The following NF2 variants were observed in gnomAD, a reference collection of about 807,000 sequenced individuals.
NF2 encodes the protein merlin.
Under a neutral mutation model 83.7 loss-of-function variants are expected in NF2, and 8 were observed. The ratio of observed to expected loss-of-function variants is 0.10; its 90% CI spans 0.06 to 0.17. The LOEUF is 0.17. Ranked by LOEUF, NF2 falls within the 10% of genes least tolerant of loss-of-function variation. The probability of loss-of-function intolerance (pLI) is 1.00; values close to 1 mark genes in which losing one functional copy is unlikely to be tolerated. For missense variants in NF2, 533 were observed against 744.4 expected, an observed-to-expected ratio of 0.72 and a Z score of 3.31; for synonymous variants, 266 against 269.6, an observed-to-expected ratio of 0.99 and a Z score of 0.13.
chr22:29,638,097 G>A (rs908585803), intron 2 of NF2, among the ~76,000 whole-genome samples: 6 of 152,196 alleles, frequency 3.9e-5, no homozygotes, highest in African/African-American at 9.7e-5. Context: ...ATGGAGCCTT[G>A]TAGCCTGTCA....
rs1307106708 is a variant in NF2, at chr22:29,665,655, AC to A, written c.885+595del. 4.6e-5 allele frequency among the ~76,000 whole-genome samples: 7 copies of A among 151,466 alleles called. No individual in the cohort carries two copies. In the East Asian group the frequency reaches 9.7e-4, roughly 21 times the overall value. On this transcript the variant is annotated intron_variant, in intron 9 of 15. Coordinates refer to ENST00000338641, the MANE Select transcript of NF2 (RefSeq NM_000268.4). ...AAAAGTGAATAGCTGTGTACCCACA[AC>A]CCCACTTTAAGAAATAGCACAGTCC...
At chr22:29,620,246 C>T (rs1052371694) in intron 1 of NF2, among the ~76,000 whole-genome samples, 24 of 150,880 alleles carry the variant, frequency 1.6e-4, no homozygotes, top group African/African-American at 4.9e-4. Flanking sequence ...GCGACAAGAG[C>T]GAGACTCTGT....
chr22:29,667,309 C>T (rs755496718), intron 9 of NF2, among the ~76,000 whole-genome samples: 69 of 152,160 alleles, frequency 4.5e-4, no homozygotes, highest in Non-Finnish European at 6.5e-4. Context: ...ACGATCATGT[C>T]TCACTGCAGC....
Position 29,697,556 on chromosome 22 carries a change from T to C in NF2, c.*2754T>C, listed in dbSNP as rs1027586363. On this transcript the variant is annotated 3_prime_UTR_variant, in exon 16 of 16. Transcript: ENST00000338641. ...CACAGACTGGTTCCTGTGGCTGGGA[T>C]GACTGCATCCTTTTTTTTTTTTTTT... 3 of 178,688 alleles carry C rather than the reference T, an allele frequency of 1.7e-5. No individual in the cohort carries two copies. The highest frequency in any genetic ancestry group is 7.1e-5 in the African/African-American group (3 of 41,998). 11.1% of individuals were successfully genotyped at this position (178,688 alleles called of 1,614,324 possible).
chr22:29,644,233 C>T (rs1421074939), intron 4 of NF2, among the ~76,000 whole-genome samples: 66 of 143,988 alleles, frequency 4.6e-4, no homozygotes, highest in African/African-American at 7.0e-4. Context: ...TGCTCCTCAC[C>T]TCCCAGACGG....
chr22:29,654,068 A>G (rs926330975), intron 4 of NF2, among the ~76,000 whole-genome samples: 1 of 152,154 alleles, frequency 6.6e-6, no homozygotes, highest in Non-Finnish European at 1.5e-5. Flanking sequence ...CCTATTTCCA[A>G]CCGCATTAGT....
At chr22:29,611,819 T>C (rs2531844) in intron 1 of NF2, among the ~76,000 whole-genome samples, 71,812 of 151,972 alleles carry the variant, frequency 0.47, 17,457 homozygotes, top group East Asian at 0.75. Context: ...ACACAAAACT[T>C]AGTTGTAAAT....
chr22:29,636,701 A>T lies in NF2; in HGVS notation c.115-50A>T, dbSNP rs2146850532. Reference sequence around the variant, plus strand: ...GTGGAGAGTGCAGAGAAAAGGTTTTATTAATGATTTTTGCTCACAGTGTCC... The same window carrying T: ...GTGGAGAGTGCAGAGAAAAGGTTTTTTTAATGATTTTTGCTCACAGTGTCC... On this transcript the variant is annotated intron_variant, in intron 1 of 15. Transcript: ENST00000338641. This position sits in a 1 kb window ranked among gnomAD's most constrained non-coding sequence, Gnocchi z 4.4. The T allele has an allele frequency of 6.2e-7, 1 of 1,613,734 alleles. No individual in the cohort carries two copies. Among genetic ancestry groups the T allele is most frequent in the Non-Finnish European group, 8.5e-7 (1 of 1,179,702 alleles).
intron 1 of NF2, among the ~76,000 whole-genome samples, chr22:29,627,349 C>T (rs2065393116): frequency 1.3e-5 from 2 of 152,148 alleles, no homozygotes; most frequent in African/African-American, 4.8e-5. Context: ...GCTATGATTG[C>T]TCTCATGTTG....
At position 29,660,615 on chromosome 22, in the gene NF2, G is replaced by A. The variant is rs530318894; in HGVS notation, c.676-590G>A. Among the ~76,000 whole-genome samples the A allele has an allele frequency of 7.2e-5, 11 of 152,288 alleles. No individual in the cohort carries two copies. The South Asian group carries it at 1.2e-3, about 17-fold the overall frequency. ...AACGAAGTCTCTCTTTGTCGACCAG[G>A]CTGGAGTGCCGGGGCACCATCTCAG... On this transcript the variant is annotated intron_variant, in intron 7 of 15. Transcript: ENST00000338641.
At chr22:29,689,613 C>T (rs1000821873) in intron 15 of NF2, among the ~76,000 whole-genome samples, 20 of 151,956 alleles carry the variant, frequency 1.3e-4, no homozygotes, top group African/African-American at 4.6e-4. Flanking sequence ...TGAGATGGTC[C>T]CCTCCTACCT....
chr22:29,682,688 A>C (rs1280409576), intron 15 of NF2, among the ~76,000 whole-genome samples: 3 of 152,230 alleles, frequency 2.0e-5, no homozygotes, highest in Non-Finnish European at 4.4e-5. Context: ...TCGGTCATTA[A>C]GGAAAGAGGT....
intron 2 of NF2, among the ~76,000 whole-genome samples, chr22:29,637,641 T>C (rs1188360730): frequency 3.9e-5 from 6 of 152,102 alleles, no homozygotes; most frequent in Non-Finnish European, 7.4e-5. Context: ...CCCCAAATGA[T>C]GCCCCCTCCA....
chr22:29,610,874 A>T (rs1441254061), intron 1 of NF2, among the ~76,000 whole-genome samples: 1 of 152,192 alleles, frequency 6.6e-6, no homozygotes, highest in Non-Finnish European at 1.5e-5. Flanking sequence ...AAGAAAAGAA[A>T]ACCATAGACA....
chr22:29,672,309 C>CTTT lies in NF2; in HGVS notation c.1122+379_1122+381dup, dbSNP rs779561094. 1.1e-3 allele frequency among the ~76,000 whole-genome samples: 141 copies of CTTT among 123,588 alleles called. 2 individuals carry two copies. The highest frequency in any genetic ancestry group is 1.3e-3 in the African/African-American group (44 of 32,988). 81.1% of individuals were successfully genotyped at this position (123,588 alleles called of 152,430 possible). A position where few individuals can be genotyped will look rare whatever the true frequency, so the allele number is the denominator to read the frequency against. On this transcript the variant is annotated intron_variant, in intron 11 of 15. Transcript: ENST00000338641. The stretch of plus-strand genomic sequence containing the variant: ...CATCTTCAGACATTGCCACATGTCT[C>CTTT]TTTTTTTTTTTTTTTTTTTTGAGAC...
At chr22:29,644,263 C>CTGCAATCTCGGCACTTT (rs1481358539) in intron 4 of NF2, among the ~76,000 whole-genome samples, 3 of 146,270 alleles carry the variant, frequency 2.1e-5, no homozygotes, top group Middle Eastern at 3.8e-3. Flanking sequence ...CGGGCAGAGG[C>CTGCAATCTCGGCACTTT]GCTCCTCACA....
rs1569281659 is a variant in NF2 at position 29,639,121 on chromosome 22, C to A, written c.272C>A (p.Pro91Gln). 2.5e-6 allele frequency: 4 copies of A among 1,614,184 alleles called. No individual in the cohort carries two copies. Among genetic ancestry groups the A allele is most frequent in the Non-Finnish European group, 3.4e-6 (4 of 1,180,020 alleles). Residue 91 changes from proline (P) to glutamine (Q), a missense_variant, in exon 3 of 16, where the codon CCA (proline) becomes CAA (glutamine). Pro to Gln is a moderately conservative substitution (Grantham distance 76). Transcript: ENST00000338641. ...GATCATGATGTTTCAAAGGAAGAAC[C>A]AGTCACCTTTCACTTCTTGGCCAAA... The part of the protein sequence containing the change: ...VLDHDVSKEE[P>Q]VTFHFLAKFY...
intron 15 of NF2, among the ~76,000 whole-genome samples, chr22:29,690,035 C>G (rs1355662838): frequency 6.6e-6 from 1 of 152,198 alleles, no homozygotes; most frequent in Admixed American, 6.5e-5. Context: ...AGGAACGATG[C>G]TGGCGGAGGC....
At chr22:29,663,921 C>T (rs2066544655) in intron 8 of NF2, among the ~76,000 whole-genome samples, 1 of 152,208 alleles carries the variant, frequency 6.6e-6, no homozygotes, top group African/African-American at 2.4e-5. Flanking sequence ...ACCCTAGGTT[C>T]TCCTACCAAG....
Sources: allele counts gnomAD v4.1 joint callset (sites outside exome capture counted in the v4.1 genomes callset), GRCh38; gene constraint gnomAD v4.1.1; non-coding constraint Gnocchi (gnomAD v3.1); transcripts MANE v1.5; gene names NCBI Gene and HGNC (gene_info 2026-07-23, HGNC 2026-07-21).